Variants in SLC28A3 observed in about 807,000 individuals in gnomAD.
SLC28A3 encodes solute carrier family 28 member 3.
SLC28A3 carries 68 observed loss-of-function variants against 84.2 expected under a neutral mutation model. That is an observed-to-expected ratio of 0.81 (90% CI 0.66 to 0.99). The LOEUF is 0.99. SLC28A3 is among the 50% of genes least tolerant of loss of function. The pLI is 0.00. For synonymous variants in SLC28A3, 267 were observed against 303.6 expected, an observed-to-expected ratio of 0.88 and a Z score of 1.25; for missense variants, 712 against 841.5, an observed-to-expected ratio of 0.85 and a Z score of 1.90.
chr9:84,355,767 A>G, the SLC28A3 span, among the ~76,000 whole-genome samples: 2 of 152,030 alleles, frequency 1.3e-5, no homozygotes, highest in South Asian at 2.1e-4. Context: ...TCAATACTCA[A>G]TACATTAGCT....
chr9:84,316,653 G>T (rs1440188349), intron 1 of SLC28A3, among the ~76,000 whole-genome samples: 10 of 152,116 alleles, frequency 6.6e-5, no homozygotes, highest in African/African-American at 2.4e-4. Flanking sequence ...GTTACTTTTG[G>T]TTTTTGCTTT....
chr9:84,345,959 G>A, the SLC28A3 span, among the ~76,000 whole-genome samples: 449 of 152,290 alleles, frequency 2.9e-3, 4 homozygotes, highest in African/African-American at 0.01. Flanking sequence ...ATCAGAAAAT[G>A]AGATGAAAGG....
intron 15 of SLC28A3, 65 bp downstream of exon 15, chr9:84,280,736 C>T: frequency 6.5e-7 from 1 of 1,537,990 alleles, no homozygotes; most frequent in Non-Finnish European, 9.0e-7. Context: ...CAGTACAGAG[C>T]AAAATGGGGA....
At chr9:84,349,327 A>C in the SLC28A3 span, among the ~76,000 whole-genome samples, 1 of 152,154 alleles carries the variant, frequency 6.6e-6, no homozygotes, top group African/African-American at 2.4e-5. Flanking sequence ...GAGGCCTGAC[A>C]TCAGGTTCAA....
At chr9:84,342,135 A>G (rs1827173813), upstream of SLC28A3, among the ~76,000 whole-genome samples, 5 of 135,090 alleles carry the variant, frequency 3.7e-5, no homozygotes, top group Admixed American at 3.4e-4. Context: ...CTCAAAAAAA[A>G]AAAAAAAAAG....
At chr9:84,361,275 G>A in the SLC28A3 span, among the ~76,000 whole-genome samples, 1 of 152,168 alleles carries the variant, frequency 6.6e-6, no homozygotes, top group Non-Finnish European at 1.5e-5. Flanking sequence ...AACCTGGGAG[G>A]CAAAGGTTGC....
intron 4 of SLC28A3, among the ~76,000 whole-genome samples, chr9:84,304,062 A>G (rs1825714097): frequency 6.6e-6 from 1 of 152,154 alleles, no homozygotes; most frequent in Non-Finnish European, 1.5e-5. Flanking sequence ...TTCCTTTCCA[A>G]ATGTTTGAAC....
At chr9:84,297,462 G>A (rs2118248104) in intron 7 of SLC28A3, among the ~76,000 whole-genome samples, 164 bp from the exon 8 acceptor site, 2 of 152,324 alleles carry the variant, frequency 1.3e-5, no homozygotes, top group East Asian at 3.9e-4. Context: ...TGGTGTAGAA[G>A]CATATTTTTG....
the SLC28A3 span, among the ~76,000 whole-genome samples, chr9:84,360,083 A>AAGG: frequency 6.6e-6 from 1 of 151,966 alleles, no homozygotes; most frequent in Non-Finnish European, 1.5e-5. Flanking sequence ...CTGACGTGGG[A>AAGG]AGGAACCTTG....
intron 1 of SLC28A3, among the ~76,000 whole-genome samples, chr9:84,331,130 C>T (rs1240390215): frequency 6.6e-6 from 1 of 152,064 alleles, no homozygotes; most frequent in Non-Finnish European, 1.5e-5. Context: ...CACTGTTTTC[C>T]CCTAAAAATA....
chr9:84,302,491 A>C, intron 4 of SLC28A3, 102 bp from the exon 5 acceptor site: 6 of 1,088,142 alleles, frequency 5.5e-6, no homozygotes, highest in Non-Finnish European at 7.9e-6. Context: ...GTTTAATATC[A>C]TTAAATATCA....
chr9:84,340,842 G>A (rs1588632051), upstream of SLC28A3, among the ~76,000 whole-genome samples: 1 of 152,220 alleles, frequency 6.6e-6, no homozygotes, highest in African/African-American at 2.4e-5. Flanking sequence ...TTGGCGGGGT[G>A]GAGGCATCTA....
intron 16 of SLC28A3, among the ~76,000 whole-genome samples, chr9:84,279,733 G>T (rs956923921): frequency 6.6e-6 from 1 of 152,236 alleles, no homozygotes; most frequent in Non-Finnish European, 1.5e-5. Flanking sequence ...GGGATTACAG[G>T]CGTAAGCCAC....
upstream of SLC28A3, among the ~76,000 whole-genome samples, chr9:84,344,943 C>T (rs1456277169): frequency 1.3e-5 from 2 of 152,180 alleles, no homozygotes; most frequent in Admixed American, 6.5e-5. Flanking sequence ...GTTCTTAGGG[C>T]CTCCCAAGGG....
Position 84,278,364 on chromosome 9 carries a change from A to G in SLC28A3, c.1950-20T>C. On this transcript the variant is annotated intron_variant, in intron 17 of 17. Transcript: ENST00000376238. ...ACAGTGCTGGTGGAAAGTGGAAAGA[A>G]ACAGTTACATGAGCCATAGATGGCA... The G allele has an allele frequency of 6.2e-7, 1 of 1,613,746 alleles. No individual in the cohort carries two copies. The highest frequency in any genetic ancestry group is 1.3e-5 in the African/African-American group (1 of 75,030).
rs536163007 is a variant in SLC28A3 at position 84,297,238 on chromosome 9, G to T, written c.844C>A (p.His282Asn). The T allele has an allele frequency of 9.9e-6, 16 of 1,613,098 alleles. 1 individual carries two copies. The South Asian group carries it at 1.8e-4, about 18-fold the overall frequency. The change falls in exon 8 of 18, where the codon CAC (histidine) becomes AAC (asparagine). Residue 282 changes from histidine (H) to asparagine (N), a missense_variant. Transcript: ENST00000376238. ...SFVFGEKYKD[H>N]FFAFKVLPIV... ...GACTTTACCTTAAATGCAAAGAAGT[G>T]GTCTTTGTATTTCTCACCAAAGACA... is the stretch of plus-strand genomic sequence containing the variant.
chr9:84,297,363 G>A, intron 7 of SLC28A3, 65 bp from the exon 8 acceptor site: 2 of 1,306,400 alleles, frequency 1.5e-6, no homozygotes, highest in East Asian at 2.3e-5. Flanking sequence ...ACAGTGCACA[G>A]GAATGCTAGG....
At chr9:84,329,320 G>C (rs1588621055) in intron 1 of SLC28A3, among the ~76,000 whole-genome samples, 1 of 152,088 alleles carries the variant, frequency 6.6e-6, no homozygotes, top group Non-Finnish European at 1.5e-5. Context: ...CTAGAGAGAT[G>C]GTCAGTAAGA....
chr9:84,292,461 CTG>C (rs1205653998), intron 10 of SLC28A3: 2 of 473,606 alleles, frequency 4.2e-6, no homozygotes, highest in African/African-American at 3.3e-5. Flanking sequence ...CTCTGTCTCT[CTG>C]TCTCTCTCTC....
Sources: allele counts gnomAD v4.1 joint callset (sites outside exome capture counted in the v4.1 genomes callset), GRCh38; gene constraint gnomAD v4.1.1; transcripts MANE v1.5; gene names NCBI Gene and HGNC (gene_info 2026-07-23, HGNC 2026-07-21).